The following TTC28 variants were observed in gnomAD, a reference collection of about 807,000 sequenced individuals.
TTC28 encodes tetratricopeptide repeat domain 28, also known as tetratricopeptide repeat protein 28.
A neutral mutation model predicts 198.0 loss-of-function variants in TTC28; 61 were observed. That is an observed-to-expected ratio of 0.31 (90% CI 0.25 to 0.38). The LOEUF is 0.38. Ranked by LOEUF, TTC28 falls within the 10% of genes least tolerant of loss-of-function variation. The pLI is 1.00. For missense variants in TTC28, 2,678 were observed against 3,164.0 expected, an observed-to-expected ratio of 0.85 and a Z score of 3.69; for synonymous variants, 1,171 against 1,297.8, an observed-to-expected ratio of 0.90 and a Z score of 2.10.
chr22:28,251,743 G>C (rs989038136), intron 5 of TTC28, among the ~76,000 whole-genome samples: 1 of 152,112 alleles, frequency 6.6e-6, no homozygotes, highest in Admixed American at 6.6e-5. Context: ...ATGAGAAAAT[G>C]TATGTTTTGA....
intron 5 of TTC28, among the ~76,000 whole-genome samples, chr22:28,263,061 T>A (rs1251803150): frequency 1.3e-5 from 2 of 152,138 alleles, no homozygotes; most frequent in East Asian, 3.9e-4. Context: ...ACTTGAAAAG[T>A]CCAAAGTGGT....
chr22:28,366,079 CTTCT>C (rs1382929200), intron 2 of TTC28, among the ~76,000 whole-genome samples: 2 of 152,198 alleles, frequency 1.3e-5, no homozygotes, highest in Non-Finnish European at 2.9e-5. Flanking sequence ...AGCTCAACAA[CTTCT>C]TTCTTTCTTA....
At chr22:28,522,904 C>T (rs1025193065) in intron 2 of TTC28, among the ~76,000 whole-genome samples, 30 of 151,424 alleles carry the variant, frequency 2.0e-4, no homozygotes, top group South Asian at 2.1e-4. Context: ...GGAGAGTGAT[C>T]GTTAATGGGT....
intron 2 of TTC28, among the ~76,000 whole-genome samples, chr22:28,500,127 A>G (rs1312216779): frequency 6.6e-6 from 1 of 152,132 alleles, no homozygotes; most frequent in African/African-American, 2.4e-5. Context: ...TATCACCACA[A>G]TCAATGTAAT....
chr22:28,305,051 C>T (rs967156873), intron 3 of TTC28, among the ~76,000 whole-genome samples: 8 of 152,014 alleles, frequency 5.3e-5, no homozygotes, highest in African/African-American at 1.9e-4. Context: ...TGCAGTGGTG[C>T]GATCTCGGCT....
intron 12 of TTC28, among the ~76,000 whole-genome samples, chr22:28,034,661 T>C (rs1267176879): frequency 6.6e-6 from 1 of 152,338 alleles, no homozygotes; most frequent in South Asian, 2.1e-4. Flanking sequence ...GTCTGGATTA[T>C]TACGGTCATG....
chr22:27,979,203 T>C lies in TTC28; in HGVS notation c.*3018A>G, dbSNP rs1274939543. On this transcript the variant is annotated 3_prime_UTR_variant, in exon 23 of 23. Transcript: ENST00000397906. ...ACTTCTTAAAAGGCCAGGTATTGGC[T>C]GGGCGCAGTGGCTCACCTGTAATCC... 1.3e-5 allele frequency: 2 copies of C among 152,240 alleles called. No homozygotes were observed. Among genetic ancestry groups the C allele is most frequent in the African/African-American group, 4.8e-5 (2 of 41,460 alleles). The allele number at this position is 152,240 out of a possible 1,614,324, so 9.4% of individuals were successfully genotyped here.
chr22:28,397,815 C>T (rs565466809), intron 2 of TTC28, among the ~76,000 whole-genome samples: 50 of 152,270 alleles, frequency 3.3e-4, no homozygotes, highest in Non-Finnish European at 4.9e-4. Context: ...AATACAGCCC[C>T]AGATGTACAA....
intron 1 of TTC28, among the ~76,000 whole-genome samples, chr22:28,637,318 A>C (rs1180035424): frequency 2.0e-5 from 3 of 152,242 alleles, no homozygotes; most frequent in Admixed American, 6.5e-5. Context: ...AGCCACGTTT[A>C]AGTATTTAAT....
chr22:28,218,011 G>A (rs1367787722), intron 5 of TTC28, among the ~76,000 whole-genome samples: 1 of 152,080 alleles, frequency 6.6e-6, no homozygotes, highest in Non-Finnish European at 1.5e-5. Context: ...TGTTTTGGTT[G>A]AAATATATAT....
At chr22:27,994,111 G>A (rs1937508129) in intron 17 of TTC28, among the ~76,000 whole-genome samples, 1 of 152,224 alleles carries the variant, frequency 6.6e-6, no homozygotes. Flanking sequence ...TGAACTACAT[G>A]AGTGAGTGTT....
chr22:28,030,829 G>C (rs550554913), intron 12 of TTC28, among the ~76,000 whole-genome samples: 5 of 152,286 alleles, frequency 3.3e-5, no homozygotes, highest in African/African-American at 1.2e-4. Flanking sequence ...CATTGTGTTG[G>C]GTACTGTCCT....
intron 6 of TTC28, among the ~76,000 whole-genome samples, chr22:28,130,778 T>C (rs1306530724): frequency 6.6e-6 from 1 of 152,208 alleles, no homozygotes; most frequent in Non-Finnish European, 1.5e-5. Context: ...TTCAGTCCTG[T>C]GGGTTCTGTT....
intron 2 of TTC28, among the ~76,000 whole-genome samples, chr22:28,392,870 C>CT (rs1245558034): frequency 0.015 from 1,194 of 80,650 alleles, 92 homozygotes; most frequent in African/African-American, 0.052. Flanking sequence ...TTCCTCCCTC[C>CT]TTTTTTTTTT....
chr22:28,290,381 G>A (rs999908575), intron 5 of TTC28, among the ~76,000 whole-genome samples: 1 of 152,062 alleles, frequency 6.6e-6, no homozygotes, highest in African/African-American at 2.4e-5. Flanking sequence ...AAGATGGTAA[G>A]ACTGCTGTTT....
intron 12 of TTC28, among the ~76,000 whole-genome samples, chr22:28,083,262 G>C (rs571494450): frequency 6.6e-6 from 1 of 152,090 alleles, no homozygotes; most frequent in Non-Finnish European, 1.5e-5. Flanking sequence ...AGACCCCTGA[G>C]CTAGAGTAGA....
intron 12 of TTC28, among the ~76,000 whole-genome samples, chr22:28,058,939 C>T (rs1940402058): frequency 1.3e-5 from 2 of 151,998 alleles, no homozygotes; most frequent in Admixed American, 1.3e-4. Context: ...AGATCTGAAG[C>T]AATAAGGTTT....
At chr22:28,270,757 G>T (rs961385554) in intron 5 of TTC28, among the ~76,000 whole-genome samples, 1 of 152,150 alleles carries the variant, frequency 6.6e-6, no homozygotes, top group Non-Finnish European at 1.5e-5. Flanking sequence ...CTGTCAGCCA[G>T]AGCCAGTGGC....
chr22:28,137,185 C>A (rs1263069239), intron 6 of TTC28, among the ~76,000 whole-genome samples: 1 of 152,128 alleles, frequency 6.6e-6, no homozygotes, highest in African/African-American at 2.4e-5. Flanking sequence ...TGGCACAATT[C>A]CCTGATGTGA....
Sources: gnomAD v4.1 joint callset for allele counts (sites outside exome capture counted in the v4.1 genomes callset) on GRCh38, gnomAD v4.1.1 for gene constraint, MANE v1.5 for transcripts, NCBI Gene and HGNC (gene_info 2026-07-23, HGNC 2026-07-21) for gene names.